Variants in FRMD6 observed in about 807,000 individuals in gnomAD.
The protein encoded by FRMD6 is FERM domain containing 6.
Under a neutral mutation model 73.2 loss-of-function variants are expected in FRMD6, and 37 were observed. That is an observed-to-expected ratio of 0.51 (90% CI 0.39 to 0.66). The LOEUF (loss-of-function observed/expected upper bound fraction) is 0.66, where lower values mean the gene tolerates loss of function less well. FRMD6 is among the 30% of genes least tolerant of loss of function. FRMD6 has a pLI of 0.00. For synonymous variants in FRMD6, 273 were observed against 282.2 expected (o/e 0.97, Z 0.33); for missense variants, 714 against 780.5 (o/e 0.91, Z 1.02).
upstream of FRMD6, among the ~76,000 whole-genome samples, chr14:51,486,219 A>G (rs530554069): frequency 1.3e-5 from 2 of 151,822 alleles, no homozygotes; most frequent in African/African-American, 2.4e-5. Context: ...TATTTTTAGT[A>G]GAGACGGGGT....
At chr14:51,482,266 GTCATGGCACACAAGCAGAGTGCAGGGCC>G in the FRMD6 span, among the ~76,000 whole-genome samples, 144 of 152,330 alleles carry the variant, frequency 9.5e-4, 2 homozygotes, top group African/African-American at 3.2e-3. Flanking sequence ...TGGGGCTTAT[GTCATGGCACACAAGCAGAGTGCAGGGCC>G]TCCTGGAGCC....
intron 2 of FRMD6, among the ~76,000 whole-genome samples, chr14:51,697,398 A>T (rs909889601): frequency 6.6e-6 from 1 of 152,168 alleles, no homozygotes; most frequent in African/African-American, 2.4e-5. Flanking sequence ...AGGTTTAATG[A>T]AATAAGCCAG....
At chr14:51,437,603 CAA>C in the FRMD6 span, among the ~76,000 whole-genome samples, 1 of 152,286 alleles carries the variant, frequency 6.6e-6, no homozygotes, top group African/African-American at 2.4e-5. Flanking sequence ...CTCCCGGCCC[CAA>C]CTTTCTTTTT....
At chr14:51,499,218 G>A (rs942415775) in intron 1 of FRMD6, among the ~76,000 whole-genome samples, 3 of 152,158 alleles carry the variant, frequency 2.0e-5, no homozygotes, top group African/African-American at 7.2e-5. Flanking sequence ...CTCCTTTAGC[G>A]GAGATGTTGA....
intron 1 of FRMD6, among the ~76,000 whole-genome samples, chr14:51,490,721 C>T (rs543974671): frequency 3.0e-4 from 45 of 152,038 alleles, no homozygotes; most frequent in Non-Finnish European, 6.0e-4. Flanking sequence ...AGTTTTAGTG[C>T]AGTTACCGTA....
intron 1 of FRMD6, among the ~76,000 whole-genome samples, chr14:51,560,584 G>C (rs185535405): frequency 6.6e-6 from 1 of 152,218 alleles, no homozygotes; most frequent in East Asian, 1.9e-4. Flanking sequence ...TCCTGGGTTC[G>C]AGTGATTCTC....
chr14:51,545,860 T>A (rs1886439083), intron 1 of FRMD6, among the ~76,000 whole-genome samples: 1 of 152,148 alleles, frequency 6.6e-6, no homozygotes, highest in Non-Finnish European at 1.5e-5. Flanking sequence ...GGGAATATGT[T>A]CGGGCATAGG....
the FRMD6 span, among the ~76,000 whole-genome samples, chr14:51,428,643 G>A: frequency 2.6e-5 from 4 of 152,140 alleles, no homozygotes; most frequent in African/African-American, 9.7e-5. Context: ...AACTTTGAAT[G>A]TGGCAGGAAT....
rs146663836 is a variant in FRMD6 at position 51,544,264 on chromosome 14, C to T, written c.-209-26084C>T. ...TATTAATGGAATGAGGTTTTTAAAACTTAAGGATTTATGTAAATATTCACA... is the reference window on the plus strand; with the variant it reads ...TATTAATGGAATGAGGTTTTTAAAATTTAAGGATTTATGTAAATATTCACA... On this transcript the variant is annotated intron_variant, in intron 1 of 14. Transcript: ENST00000356218. Among the ~76,000 whole-genome samples the T allele has an allele frequency of 1.9e-3, 295 of 152,074 alleles. 1 individual carries two copies. The highest frequency in any genetic ancestry group is 3.5e-3 in the Non-Finnish European group (236 of 67,920).
At chr14:51,542,674 C>T (rs1051705294) in intron 1 of FRMD6, among the ~76,000 whole-genome samples, 2 of 151,856 alleles carry the variant, frequency 1.3e-5, no homozygotes, top group African/African-American at 2.4e-5. Context: ...TCTATGTTTA[C>T]CTTATTAAAG....
chr14:51,517,278 A>G (rs1452498971), intron 1 of FRMD6, among the ~76,000 whole-genome samples: 1 of 152,022 alleles, frequency 6.6e-6, no homozygotes, highest in South Asian at 2.1e-4. Flanking sequence ...ACGAGTCTGT[A>G]TCTCTCCCCT....
At chr14:51,541,200 G>A (rs1886185771) in intron 1 of FRMD6, among the ~76,000 whole-genome samples, 1 of 152,030 alleles carries the variant, frequency 6.6e-6, no homozygotes, top group African/African-American at 2.4e-5. Context: ...TCTAAGTTGG[G>A]ATGACTTTAC....
At chr14:51,545,353 AGT>A (rs1331863189) in intron 1 of FRMD6, among the ~76,000 whole-genome samples, 3 of 152,100 alleles carry the variant, frequency 2.0e-5, no homozygotes, top group African/African-American at 7.2e-5. Flanking sequence ...TGTGCTCTGG[AGT>A]AGTACAAACG....
intron 3 of FRMD6, among the ~76,000 whole-genome samples, chr14:51,698,768 ATTC>A (rs1896108063): frequency 6.6e-6 from 1 of 151,922 alleles, no homozygotes; most frequent in South Asian, 2.1e-4. Context: ...TTTCTTCTAT[ATTC>A]TTTGTGAGGA....
intron 1 of FRMD6, among the ~76,000 whole-genome samples, chr14:51,535,897 A>T (rs1388435361): frequency 6.6e-6 from 1 of 151,952 alleles, no homozygotes; most frequent in African/African-American, 2.4e-5. Flanking sequence ...CCTGGTGGAT[A>T]TGAAGTGGGT....
At chr14:51,425,277 A>G in the FRMD6 span, among the ~76,000 whole-genome samples, 33,088 of 151,882 alleles carry the variant, frequency 0.22, 4,263 homozygotes, top group East Asian at 0.51. Flanking sequence ...AGGGCTCTTT[A>G]TTCTCCACCA....
At chr14:51,583,661 C>T (rs978513694) in intron 2 of FRMD6, among the ~76,000 whole-genome samples, 4 of 152,180 alleles carry the variant, frequency 2.6e-5, no homozygotes, top group African/African-American at 7.2e-5. Flanking sequence ...CCAGCAGCTC[C>T]TAAGTAGCAG....
At chr14:51,552,452 A>G (rs1056439925) in intron 1 of FRMD6, among the ~76,000 whole-genome samples, 2 of 152,232 alleles carry the variant, frequency 1.3e-5, no homozygotes, top group African/African-American at 4.8e-5. Flanking sequence ...ACAAACCCTG[A>G]TGCCCCTAGG....
At chr14:51,413,236 T>A in the FRMD6 span, among the ~76,000 whole-genome samples, 2 of 152,316 alleles carry the variant, frequency 1.3e-5, no homozygotes, top group South Asian at 2.1e-4. Flanking sequence ...GGTATGCATG[T>A]GCCATGTTGG....
Sources: gnomAD v4.1 joint callset for allele counts (sites outside exome capture counted in the v4.1 genomes callset) on GRCh38, gnomAD v4.1.1 for gene constraint, MANE v1.5 for transcripts, NCBI Gene and HGNC (gene_info 2026-07-23, HGNC 2026-07-21) for gene names.